The following TSC22D3 variants were observed in gnomAD, a reference collection of about 807,000 sequenced individuals.
TSC22D3 encodes TSC22 domain family member 3.
TSC22D3 carries 4 observed loss-of-function variants against 11.1 expected under a neutral mutation model. The observed-to-expected ratio is 0.36, with a 90% CI of 0.18 to 0.83. The LOEUF (loss-of-function observed/expected upper bound fraction) is 0.83. Among genes scored for constraint, TSC22D3 ranks in the 40% least tolerant of loss-of-function variants. The probability of loss-of-function intolerance (pLI) is 0.48; values close to 1 mark genes in which losing one functional copy is unlikely to be tolerated. For synonymous variants in TSC22D3, 77 were observed against 70.3 expected (o/e 1.10, Z -0.48); for missense variants, 118 against 159.4 (o/e 0.74, Z 1.40).
intron 1 of TSC22D3, among the ~76,000 whole-genome samples, chrX:107,730,568 G>C (rs1927837706): frequency 8.9e-6 from 1 of 111,744 alleles, no homozygotes; most frequent in Non-Finnish European, 1.9e-5. Flanking sequence ...TCAATTCAGG[G>C]ACTAGCAGAT....
rs754609487 is a variant in TSC22D3 at position 107,714,600 on chromosome X, C to G, written c.522G>C (p.Lys174Asn). The G allele has an allele frequency of 1.7e-6, 2 of 1,211,702 alleles. No homozygotes were observed. Among genetic ancestry groups the G allele is most frequent in the Non-Finnish European group, 2.2e-6 (2 of 895,516 alleles). The change falls in exon 3 of 3, where the codon AAG becomes AAC. Residue 174 changes from lysine (K) to asparagine (N), a missense_variant. Transcript: ENST00000372383. ...KTLASPEQLE[K>N]FQSCLSPEEP... The stretch of plus-strand genomic sequence containing the variant: ...CTTCAGGGCTCAGACAGGACTGGAA[C>G]TTCTCCAGCTGCTCTGGGCTTGCCA...
intron 1 of TSC22D3, among the ~76,000 whole-genome samples, chrX:107,774,674 T>C (rs1171300550): frequency 8.9e-6 from 1 of 112,099 alleles, no homozygotes; most frequent in Non-Finnish European, 1.9e-5. Context: ...CACTCAGTAA[T>C]TTTAAAGCCC....
chrX:107,774,836 C>T (rs1930059604), intron 1 of TSC22D3: 1 of 407,828 alleles, frequency 2.5e-6, no homozygotes, highest in Non-Finnish European at 4.3e-6. Context: ...TCCAAACCAT[C>T]TGGGGTCTGC....
At chrX:107,769,843 C>G (rs946395829) in intron 1 of TSC22D3, among the ~76,000 whole-genome samples, 4 of 111,265 alleles carry the variant, frequency 3.6e-5, no homozygotes, top group Non-Finnish European at 7.5e-5. Context: ...ATCTGTGCCT[C>G]AGCAAAAACA....
intron 1 of TSC22D3, among the ~76,000 whole-genome samples, chrX:107,724,811 T>G (rs896642470): frequency 1.8e-5 from 2 of 112,462 alleles, no homozygotes; most frequent in African/African-American, 6.5e-5. Flanking sequence ...AGAAGCACAG[T>G]TTTCAAAGAT....
At chrX:107,731,687 C>T (rs1053341234) in intron 1 of TSC22D3, among the ~76,000 whole-genome samples, 2 of 111,672 alleles carry the variant, frequency 1.8e-5, no homozygotes, top group African/African-American at 6.5e-5. Flanking sequence ...AACCATGCTT[C>T]TTCAGTCAAG....
At chrX:107,727,726 C>T (rs1180939206) in intron 1 of TSC22D3, among the ~76,000 whole-genome samples, 1 of 112,212 alleles carries the variant, frequency 8.9e-6, no homozygotes, top group South Asian at 3.6e-4. Flanking sequence ...TCAAATTCGT[C>T]TTTCTAACCT....
intron 1 of TSC22D3, among the ~76,000 whole-genome samples, chrX:107,745,210 T>G (rs748111835): frequency 8.9e-6 from 1 of 111,764 alleles, no homozygotes; most frequent in Non-Finnish European, 1.9e-5. Context: ...AAGCAGCCAT[T>G]AAGCCTAGGA....
Position 107,714,505 on chromosome X carries a change from G to A in TSC22D3, c.*14C>T. On this transcript the variant is annotated 3_prime_UTR_variant, in exon 3 of 3. Coordinates refer to ENST00000372383, the MANE Select transcript of TSC22D3 (RefSeq NM_198057.3). ...CAAGTTTAGTGGCTCTGCCCACCCT[G>A]AGGACAGAGCCACTTACACCGCAGA... The A allele has an allele frequency of 1.7e-6, 2 of 1,202,443 alleles. No homozygotes were observed. The highest frequency in any genetic ancestry group is 2.3e-6 in the Non-Finnish European group (2 of 888,683).
At chrX:107,743,766 G>T (rs1352265022) in intron 1 of TSC22D3, among the ~76,000 whole-genome samples, 1 of 112,120 alleles carries the variant, frequency 8.9e-6, no homozygotes, top group African/African-American at 3.2e-5. Context: ...TCCTACCCAG[G>T]GCTCAAGCTC....
chrX:107,744,800 C>A (rs925532782), intron 1 of TSC22D3, among the ~76,000 whole-genome samples: 4 of 111,477 alleles, frequency 3.6e-5, no homozygotes, highest in African/African-American at 1.3e-4. Context: ...TATAATTGTT[C>A]TTGAGTGATT....
rs975834519 is a variant in TSC22D3, at chrX:107,734,388, T to A, written c.321-18438A>T. On this transcript the variant is annotated intron_variant, in intron 1 of 2. Transcript: ENST00000372383. ...AAAGCCCTTGCTTTCATCCAAATAT[T>A]CCCTCCAGGCTGCATTTCAACCCTC... 2.7e-5 allele frequency among the ~76,000 whole-genome samples: 3 copies of A among 112,595 alleles called. No individual in the cohort carries two copies. In the Admixed American group the frequency reaches 2.8e-4, roughly 11 times the overall value.
At chrX:107,769,973 G>C (rs1272260580) in intron 1 of TSC22D3, among the ~76,000 whole-genome samples, 1 of 112,309 alleles carries the variant, frequency 8.9e-6, no homozygotes, top group African/African-American at 3.2e-5. Flanking sequence ...TTCTTTGTCA[G>C]ACCACTAGGC....
At chrX:107,715,421 T>C (rs949333587) in intron 2 of TSC22D3, among the ~76,000 whole-genome samples, 2 of 112,331 alleles carry the variant, frequency 1.8e-5, no homozygotes, top group African/African-American at 6.5e-5. Context: ...CCTAACCCTC[T>C]GCAGCCATTG....
intron 1 of TSC22D3, among the ~76,000 whole-genome samples, chrX:107,745,846 A>G (rs1928625123): frequency 8.9e-6 from 1 of 112,503 alleles, no homozygotes; most frequent in African/African-American, 3.2e-5. Flanking sequence ...ATCTGCTTAG[A>G]TTTCACAAGT....
At chrX:107,772,053 C>A (rs756781513) in intron 1 of TSC22D3, among the ~76,000 whole-genome samples, 1 of 112,318 alleles carries the variant, frequency 8.9e-6, no homozygotes, top group Non-Finnish European at 1.9e-5. Context: ...AAGGGAAAAC[C>A]AAGCAAGTAA....
intron 1 of TSC22D3, among the ~76,000 whole-genome samples, chrX:107,739,844 G>A (rs980613281): frequency 1.8e-5 from 2 of 112,241 alleles, no homozygotes; most frequent in Non-Finnish European, 3.8e-5. Flanking sequence ...TTAGTGTCCC[G>A]CTTGGGGTCT....
intron 1 of TSC22D3, 167 bp downstream of exon 1, chrX:107,774,933 G>A: frequency 1.8e-6 from 1 of 543,919 alleles, no homozygotes; most frequent in Non-Finnish European, 2.9e-6. Flanking sequence ...CCTCCCCTCA[G>A]CTCCGCGGTA....
At chrX:107,726,606 TG>T (rs1287606041) in intron 1 of TSC22D3, among the ~76,000 whole-genome samples, 2 of 112,495 alleles carry the variant, frequency 1.8e-5, no homozygotes, top group African/African-American at 6.5e-5. Context: ...AGCACATAAA[TG>T]GAAAATTCTA....
Sources: allele counts gnomAD v4.1 joint callset (sites outside exome capture counted in the v4.1 genomes callset), GRCh38; gene constraint gnomAD v4.1.1; transcripts MANE v1.5; gene names NCBI Gene and HGNC (gene_info 2026-07-23, HGNC 2026-07-21).